Variants in IRGM observed in about 807,000 individuals in gnomAD.
IRGM encodes immunity-related GTPase family M protein.
For synonymous variants in IRGM, 98 were observed against 80.6 expected (o/e 1.22, Z -1.16); for missense variants, 288 against 219.9 (o/e 1.31, Z -1.96).
At chr5:150,870,439 A>C (rs1754266960) in intron 1 of IRGM, among the ~76,000 whole-genome samples, 1 of 151,924 alleles carries the variant, frequency 6.6e-6, no homozygotes, top group South Asian at 2.1e-4. Flanking sequence ...GCCTGGAAGC[A>C]CACCCTCCAG....
chr5:150,879,142 A>G (rs1754408846), intron 2 of IRGM, among the ~76,000 whole-genome samples: 1 of 152,224 alleles, frequency 6.6e-6, no homozygotes, highest in South Asian at 2.1e-4. Flanking sequence ...GATGGATGTC[A>G]GTGTTAGATG....
chr5:150,870,691 C>T (rs1754270698), intron 1 of IRGM, among the ~76,000 whole-genome samples: 1 of 151,976 alleles, frequency 6.6e-6, no homozygotes, highest in Non-Finnish European at 1.5e-5. Context: ...GCCTGAGACC[C>T]ATTCCTAGGT....
At chr5:150,885,708 T>C (rs1195911100) in intron 3 of IRGM, among the ~76,000 whole-genome samples, 1 of 152,130 alleles carries the variant, frequency 6.6e-6, no homozygotes, top group Non-Finnish European at 1.5e-5. Flanking sequence ...CTGATTTGGC[T>C]CTTGGCTTGG....
At chr5:150,858,306 C>T (rs1255249589) in intron 1 of IRGM, among the ~76,000 whole-genome samples, 1 of 152,048 alleles carries the variant, frequency 6.6e-6, no homozygotes, top group Non-Finnish European at 1.5e-5. Context: ...GGTACCAGTA[C>T]CATGCTGTTT....
intron 1 of IRGM, among the ~76,000 whole-genome samples, chr5:150,873,328 G>A (rs954512299): frequency 2.0e-5 from 3 of 152,260 alleles, no homozygotes; most frequent in African/African-American, 7.2e-5. Flanking sequence ...TTCCAGACTT[G>A]AACCAGTTTA....
intron 3 of IRGM, among the ~76,000 whole-genome samples, chr5:150,887,244 C>T (rs1032220970): frequency 5.3e-5 from 8 of 151,944 alleles, no homozygotes; most frequent in Non-Finnish European, 1.0e-4. Context: ...TATAAAACAA[C>T]TTAATGGATC....
chr5:150,892,320 T>C (rs576786696), intron 3 of IRGM, among the ~76,000 whole-genome samples: 1 of 152,166 alleles, frequency 6.6e-6, no homozygotes, highest in Non-Finnish European at 1.5e-5. Context: ...CTGTGTTAAT[T>C]ACAGAAGGGA....
At chr5:150,859,633 A>C (rs1754108127) in intron 1 of IRGM, among the ~76,000 whole-genome samples, 1 of 152,092 alleles carries the variant, frequency 6.6e-6, no homozygotes, top group African/African-American at 2.4e-5. Flanking sequence ...CAGAGATTCA[A>C]CTTCTTCCTG....
At chr5:150,876,410 A>G (rs971456948) in intron 1 of IRGM, among the ~76,000 whole-genome samples, 4 of 152,188 alleles carry the variant, frequency 2.6e-5, no homozygotes, top group Admixed American at 2.0e-4. Context: ...AGAGGGAGGA[A>G]TGCTGCCAAC....
At chr5:150,898,163 T>G (rs1474345954) in intron 3 of IRGM, 1 of 1,613,378 alleles carries the variant, frequency 6.2e-7, no homozygotes, top group African/African-American at 1.3e-5. Context: ...GGAGATGACA[T>G]CTGGTTTGGA....
At chr5:150,848,809 T>C, downstream of IRGM, 1 of 653,544 alleles carries the variant, frequency 1.5e-6, no homozygotes, top group Non-Finnish European at 2.6e-6. Context: ...GGTTGTGTTG[T>C]TCTTTGAGAT....
At chr5:150,883,997 C>T (rs747309169) in intron 3 of IRGM, among the ~76,000 whole-genome samples, 2 of 151,884 alleles carry the variant, frequency 1.3e-5, no homozygotes, top group Non-Finnish European at 2.9e-5. Context: ...CAACAAAATA[C>T]CATGAAATCA....
intron 3 of IRGM, chr5:150,895,624 G>A (rs1184467971): frequency 6.2e-7 from 1 of 1,613,194 alleles, no homozygotes; most frequent in African/African-American, 1.3e-5. Context: ...ATTCGCTGGT[G>A]TCCCGGAAGG....
downstream of IRGM, among the ~76,000 whole-genome samples, chr5:150,902,115 G>T (rs1554130011): frequency 6.6e-6 from 1 of 152,060 alleles, no homozygotes; most frequent in Non-Finnish European, 1.5e-5. Flanking sequence ...AAGTTAAAAG[G>T]TCTCTCTGTT....
intron 1 of IRGM, among the ~76,000 whole-genome samples, chr5:150,860,683 G>T (rs1038816735): frequency 6.6e-6 from 1 of 152,146 alleles, no homozygotes; most frequent in South Asian, 2.1e-4. Flanking sequence ...TGCTCCCCAG[G>T]CTGTGGCCAC....
At chr5:150,855,492 A>G (rs1754036525) in intron 1 of IRGM, among the ~76,000 whole-genome samples, 1 of 152,180 alleles carries the variant, frequency 6.6e-6, no homozygotes, top group South Asian at 2.1e-4. Context: ...TCTCTTGCTG[A>G]CTTAGATATT....
chr5:150,878,774 ATTG>A (rs1754403201), intron 2 of IRGM, among the ~76,000 whole-genome samples: 1 of 140,312 alleles, frequency 7.1e-6, no homozygotes, highest in African/African-American at 3.0e-5. Context: ...ATGTATAATT[ATTG>A]TTGTTATATT....
intron 1 of IRGM, among the ~76,000 whole-genome samples, chr5:150,870,836 T>C (rs1230493120): frequency 6.6e-6 from 1 of 152,068 alleles, no homozygotes; most frequent in Admixed American, 6.5e-5. Flanking sequence ...TGTTTTTTTG[T>C]TGTTGTTATT....
Position 150,848,247 on chromosome 5 carries a change from T to A in IRGM, c.124T>A (p.Ser42Thr). The A allele has an allele frequency of 6.4e-7, 1 of 1,551,854 alleles. No individual in the cohort carries two copies. ...TPVNITMAGD[S>T]GNGMSTFISA... Reference sequence around the variant, plus strand: ...AGTTAACATCACTATGGCAGGGGACTCTGGCAATGGGATGTCCACCTTCAT... The same window carrying A: ...AGTTAACATCACTATGGCAGGGGACACTGGCAATGGGATGTCCACCTTCAT... The change falls in exon 2 of 2, where the codon TCT (serine) becomes ACT (threonine). Residue 42 changes from serine (S) to threonine (T), a missense_variant. Transcript: ENST00000522154.
Sources: allele counts gnomAD v4.1 joint callset (sites outside exome capture counted in the v4.1 genomes callset), GRCh38; gene constraint gnomAD v4.1.1; transcripts MANE v1.5; gene names NCBI Gene and HGNC (gene_info 2026-07-23, HGNC 2026-07-21).